The following RANBP17 variants were observed in gnomAD, a reference collection of about 807,000 sequenced individuals.
RANBP17 encodes the protein RAN binding protein 17, also known as ran-binding protein 17.
Under a neutral mutation model 141.2 loss-of-function variants are expected in RANBP17, and 158 were observed. That is an observed-to-expected ratio of 1.12 (90% confidence interval 0.98 to 1.28). RANBP17 has a LOEUF of 1.28. Among genes scored for constraint, RANBP17 ranks in the 50% most tolerant of loss-of-function variants. The pLI is 0.00. For missense variants in RANBP17, 1,438 were observed against 1,290.7 expected (o/e 1.11, Z -1.75); for synonymous variants, 430 against 450.0 (o/e 0.96, Z 0.56).
At chr5:171,156,955 G>A (rs1758947229) in intron 14 of RANBP17, among the ~76,000 whole-genome samples, 1 of 152,206 alleles carries the variant, frequency 6.6e-6, no homozygotes, top group African/African-American at 2.4e-5. Flanking sequence ...ATCATTGTTC[G>A]ACTTGAACAG....
intron 14 of RANBP17, among the ~76,000 whole-genome samples, chr5:171,082,252 G>T (rs2168771): frequency 0.61 from 92,758 of 151,828 alleles, 29,717 homozygotes; most frequent in South Asian, 0.88. Context: ...GTGGCATTGT[G>T]ACTCCAGGCA....
chr5:171,102,918 C>T (rs1192277163), intron 14 of RANBP17, among the ~76,000 whole-genome samples: 5 of 152,106 alleles, frequency 3.3e-5, no homozygotes, highest in African/African-American at 1.2e-4. Context: ...GCCTGGGTAT[C>T]ACCAGCAGAG....
At chr5:170,991,799 AT>A (rs1294322924) in intron 14 of RANBP17, among the ~76,000 whole-genome samples, 3 of 152,068 alleles carry the variant, frequency 2.0e-5, no homozygotes, top group Non-Finnish European at 4.4e-5. Flanking sequence ...AGCTGCTGTT[AT>A]TGGTAAGAAT....
intron 13 of RANBP17, among the ~76,000 whole-genome samples, chr5:170,960,691 AAT>A (rs1178270092): frequency 6.6e-6 from 1 of 152,190 alleles, no homozygotes; most frequent in East Asian, 1.9e-4. Context: ...CAGCCAGAGT[AAT>A]CTTTCTAAAG....
chr5:171,242,396 C>T (rs1764933994), intron 23 of RANBP17, among the ~76,000 whole-genome samples: 1 of 152,178 alleles, frequency 6.6e-6, no homozygotes, highest in Admixed American at 6.5e-5. Flanking sequence ...TTCAGTGTTA[C>T]AGTATTCCAA....
At chr5:171,012,866 C>G (rs1441515745) in intron 14 of RANBP17, among the ~76,000 whole-genome samples, 1 of 152,112 alleles carries the variant, frequency 6.6e-6, no homozygotes, top group African/African-American at 2.4e-5. Context: ...CAGATACGAT[C>G]AAATCACAGA....
chr5:171,171,194 T>C lies in RANBP17; in HGVS notation c.1785-12T>C. On this transcript the variant is annotated splice_polypyrimidine_tract_variant and intron_variant, in intron 15 of 27. Transcript: ENST00000523189. ...ATCTTACTTATAATTAAAGACTTTT[T>C]TTCATATTTAGTGTTACAAACCTTA... The C allele has an allele frequency of 6.8e-7, 1 of 1,473,986 alleles. No individual in the cohort carries two copies. The highest frequency in any genetic ancestry group is 9.4e-7 in the Non-Finnish European group (1 of 1,067,978). 91.3% of individuals were successfully genotyped at this position (1,473,986 alleles called of 1,614,324 possible).
chr5:171,077,782 A>G (rs1301870523), intron 14 of RANBP17, among the ~76,000 whole-genome samples: 3 of 152,242 alleles, frequency 2.0e-5, no homozygotes, highest in Non-Finnish European at 2.9e-5. Flanking sequence ...TGAACATACA[A>G]ATGATAAGTG....
At chr5:171,104,495 T>C (rs1329951015) in intron 14 of RANBP17, among the ~76,000 whole-genome samples, 1 of 152,250 alleles carries the variant, frequency 6.6e-6, no homozygotes, top group Non-Finnish European at 1.5e-5. Flanking sequence ...TTTTTACTTC[T>C]GCTTCATTGC....
chr5:171,128,213 G>A (rs755521107), intron 14 of RANBP17, among the ~76,000 whole-genome samples: 20 of 152,014 alleles, frequency 1.3e-4, no homozygotes, highest in Admixed American at 3.9e-4. Context: ...TGTTTACTGC[G>A]GCACTATTAG....
chr5:170,920,548 G>T (rs1464337325), intron 11 of RANBP17, among the ~76,000 whole-genome samples: 1 of 149,998 alleles, frequency 6.7e-6, no homozygotes, highest in Non-Finnish European at 1.5e-5. Context: ...AGCAGTCTGT[G>T]TATTTTCTTC....
At chr5:171,149,080 G>C (rs1397064859) in intron 14 of RANBP17, among the ~76,000 whole-genome samples, 2 of 152,184 alleles carry the variant, frequency 1.3e-5, no homozygotes, top group Non-Finnish European at 2.9e-5. Flanking sequence ...TAGCTACCAC[G>C]TACAAGCTAT....
chr5:170,948,963 G>A (rs186038326), intron 12 of RANBP17, among the ~76,000 whole-genome samples: 124 of 152,140 alleles, frequency 8.2e-4, no homozygotes, highest in Middle Eastern at 3.4e-3. Flanking sequence ...GAACAGCCTG[G>A]TCAACCTAGT....
intron 18 of RANBP17, among the ~76,000 whole-genome samples, chr5:171,196,801 G>A (rs1345225170): frequency 6.6e-6 from 1 of 152,148 alleles, no homozygotes; most frequent in East Asian, 1.9e-4. Context: ...GCAGAGCCAG[G>A]ATTCAAGCAT....
At chr5:170,916,692 A>T in intron 9 of RANBP17, 108 bp downstream of exon 9, 6 of 613,344 alleles carry the variant, frequency 9.8e-6, no homozygotes, top group Non-Finnish European at 1.6e-5. Context: ...GAAAACATTT[A>T]GTATCATATA....
intron 6 of RANBP17, chr5:170,910,094 G>T (rs4868046): frequency 0.61 from 101,702 of 167,130 alleles, 32,776 homozygotes; most frequent in South Asian, 0.9. Context: ...TTGATAGGAT[G>T]CAGATGAAAA....
At chr5:170,924,661 G>A (rs187951717) in intron 12 of RANBP17, 111 bp downstream of exon 12, 2 of 659,444 alleles carry the variant, frequency 3.0e-6, no homozygotes, top group South Asian at 3.3e-5. Context: ...CCCAATTCCT[G>A]GTCCCCTAAT....
chr5:170,935,245 G>A (rs184645311), intron 12 of RANBP17, among the ~76,000 whole-genome samples: 104 of 152,256 alleles, frequency 6.8e-4, no homozygotes, highest in African/African-American at 2.4e-3. Context: ...CAATGGGTTC[G>A]AACATCCTCC....
chr5:171,061,707 C>T (rs1783871002), intron 14 of RANBP17, among the ~76,000 whole-genome samples: 1 of 152,094 alleles, frequency 6.6e-6, no homozygotes, highest in Non-Finnish European at 1.5e-5. Flanking sequence ...AGTTCAAATC[C>T]TGGGTTTCCT....
Sources: allele counts gnomAD v4.1 joint callset (sites outside exome capture counted in the v4.1 genomes callset), GRCh38; gene constraint gnomAD v4.1.1; transcripts MANE v1.5; gene names NCBI Gene and HGNC (gene_info 2026-07-23, HGNC 2026-07-21).